Variants in SORCS3 observed in about 807,000 individuals in gnomAD.
The protein encoded by SORCS3 is sortilin related VPS10 domain containing receptor 3.
A neutral mutation model predicts 146.3 loss-of-function variants in SORCS3; 57 were observed. The observed-to-expected ratio is 0.39, with a 90% CI of 0.31 to 0.49. The LOEUF (loss-of-function observed/expected upper bound fraction) is 0.49, where lower values mean the gene tolerates loss of function less well. Ranked by LOEUF, SORCS3 falls within the 20% of genes least tolerant of loss-of-function variation. The pLI is 0.92. For synonymous variants in SORCS3, 653 were observed against 618.5 expected, an observed-to-expected ratio of 1.06 and a Z score of -0.83; for missense variants, 1,341 against 1,575.5, an observed-to-expected ratio of 0.85 and a Z score of 2.52.
intron 1 of SORCS3, among the ~76,000 whole-genome samples, chr10:104,643,706 T>A (rs1260901796): frequency 2.0e-5 from 2 of 98,880 alleles, no homozygotes; most frequent in Non-Finnish European, 4.3e-5. Context: ...GTTTGATAAT[T>A]AGGGTGTGTG....
At chr10:104,940,220 ATATATATATATATATATATT>A (rs1351498623) in intron 3 of SORCS3, among the ~76,000 whole-genome samples, 18 of 14,188 alleles carry the variant, frequency 1.3e-3, no homozygotes, top group African/African-American at 4.7e-3. Flanking sequence ...ATATATATAT[ATATATATATATATATATATT>A]TTTTTTTTTT....
At chr10:105,016,637 C>A (rs1350697430) in intron 4 of SORCS3, among the ~76,000 whole-genome samples, 1 of 151,822 alleles carries the variant, frequency 6.6e-6, no homozygotes, top group Admixed American at 6.6e-5. Context: ...ATGGTGATGA[C>A]TTTTTTTTGT....
At chr10:104,959,417 A>G (rs920428262) in intron 3 of SORCS3, among the ~76,000 whole-genome samples, 2 of 152,114 alleles carry the variant, frequency 1.3e-5, no homozygotes, top group African/African-American at 2.4e-5. Flanking sequence ...CTCTCTCCTC[A>G]TTACATCACA....
intron 1 of SORCS3, among the ~76,000 whole-genome samples, chr10:104,742,323 G>T (rs756273358): frequency 6.6e-6 from 1 of 152,184 alleles, no homozygotes; most frequent in Non-Finnish European, 1.5e-5. Context: ...ATTTGGTGCT[G>T]GGTGACAAGT....
chr10:104,903,307 A>G (rs1372109878), intron 2 of SORCS3, among the ~76,000 whole-genome samples: 2 of 152,200 alleles, frequency 1.3e-5, no homozygotes, highest in Non-Finnish European at 2.9e-5. Context: ...CGAGAAATTA[A>G]TTACAGAGTC....
chr10:104,655,542 T>C (rs898322245), intron 1 of SORCS3, among the ~76,000 whole-genome samples: 1 of 152,200 alleles, frequency 6.6e-6, no homozygotes, highest in Non-Finnish European at 1.5e-5. Context: ...TTTAAAATCA[T>C]TTTTAAAAAC....
chr10:105,184,477 C>T (rs1272245159), intron 14 of SORCS3, among the ~76,000 whole-genome samples: 1 of 152,174 alleles, frequency 6.6e-6, no homozygotes, highest in African/African-American at 2.4e-5. Flanking sequence ...CAAGAATGCC[C>T]ATGGGTTTTT....
intron 2 of SORCS3, among the ~76,000 whole-genome samples, chr10:104,855,365 G>A (rs1047966121): frequency 6.6e-6 from 1 of 152,128 alleles, no homozygotes; most frequent in African/African-American, 2.4e-5. Flanking sequence ...CAAAACCCTG[G>A]TGGGGTTTTG....
chr10:105,037,015 GA>G (rs1427825466), intron 4 of SORCS3, among the ~76,000 whole-genome samples: 2 of 152,156 alleles, frequency 1.3e-5, no homozygotes, highest in Non-Finnish European at 2.9e-5. Flanking sequence ...TGGCTTAAGA[GA>G]AACTGACCTG....
chr10:104,833,272 G>T (rs1038148984), intron 1 of SORCS3, among the ~76,000 whole-genome samples: 1 of 152,228 alleles, frequency 6.6e-6, no homozygotes, highest in African/African-American at 2.4e-5. Flanking sequence ...TGCCTTCTCT[G>T]AGATGAGAGG....
intron 5 of SORCS3, among the ~76,000 whole-genome samples, chr10:105,059,260 C>T (rs2055466746): frequency 6.6e-6 from 1 of 152,150 alleles, no homozygotes; most frequent in Non-Finnish European, 1.5e-5. Flanking sequence ...AGGGTTGTTC[C>T]AACCAATGAA....
In SORCS3 at chr10:104,977,467, G is replaced by T. The variant is rs929050187; in HGVS notation, c.928G>T (p.Val310Leu). ...LLFHPKQEDW[V>L]LAYSLDQKLY... Reference sequence around the variant, plus strand: ...CTTTCATCCCAAGCAAGAGGACTGGGTGCTGGCCTACAGTTTGGATCAAAA... The same window carrying T: ...CTTTCATCCCAAGCAAGAGGACTGGTTGCTGGCCTACAGTTTGGATCAAAA... Residue 310 changes from valine (V) to leucine (L), a missense_variant, in exon 4 of 27, where the codon GTG (valine) becomes TTG (leucine). Transcript: ENST00000369701. The T allele has an allele frequency of 1.2e-6, 2 of 1,611,792 alleles. No homozygotes were observed. Among genetic ancestry groups the T allele is most frequent in the African/African-American group, 1.3e-5 (1 of 74,804 alleles).
At chr10:105,235,676 A>G (rs564863258) in intron 20 of SORCS3, among the ~76,000 whole-genome samples, 3 of 152,022 alleles carry the variant, frequency 2.0e-5, no homozygotes, top group Admixed American at 6.6e-5. Flanking sequence ...TTACTCCTGC[A>G]TAAGTGGGAG....
chr10:104,770,259 C>G (rs146501112), intron 1 of SORCS3, among the ~76,000 whole-genome samples: 12 of 152,158 alleles, frequency 7.9e-5, no homozygotes, highest in African/African-American at 2.7e-4. Context: ...AGTGCAGGAG[C>G]TGAATAAAGG....
intron 20 of SORCS3, among the ~76,000 whole-genome samples, chr10:105,242,888 A>C (rs2056843403): frequency 9.5e-6 from 1 of 105,486 alleles, no homozygotes; most frequent in Non-Finnish European, 1.7e-5. Context: ...AATTATATAT[A>C]ATATATGATA....
In SORCS3 at chr10:105,247,290, A is replaced by G. The variant is rs1283461962; in HGVS notation, c.3064A>G (p.Arg1022Gly). 6 of 1,612,874 alleles carry G rather than the reference A, an allele frequency of 3.7e-6. No homozygotes were observed. Among genetic ancestry groups the G allele is most frequent in the Non-Finnish European group, 4.2e-6 (5 of 1,179,136 alleles). Reference protein sequence around the residue: ...DYHNPDIPEWRKDIGNVIKRA... With the variant: ...DYHNPDIPEWGKDIGNVIKRA... The stretch of plus-strand genomic sequence containing the variant: ...CCACAATCCTGACATTCCTGAGTGG[A>G]GAAAAGATATTGGCAATGTCATCAA... Residue 1022 changes from arginine (R) to glycine (G), a missense_variant, in exon 22 of 27, where the codon AGA (arginine) becomes GGA (glycine). Coordinates refer to ENST00000369701, the MANE Select transcript of SORCS3 (RefSeq NM_014978.3).
At chr10:104,938,146 G>T (rs907907863) in intron 3 of SORCS3, among the ~76,000 whole-genome samples, 6 of 152,096 alleles carry the variant, frequency 3.9e-5, no homozygotes, top group African/African-American at 1.4e-4. Context: ...ATTTTTGACT[G>T]GGAAAGAAAT....
intron 3 of SORCS3, among the ~76,000 whole-genome samples, chr10:104,945,313 A>G (rs1029143119): frequency 2.0e-5 from 3 of 152,006 alleles, no homozygotes; most frequent in Admixed American, 6.5e-5. Flanking sequence ...GTGCAGTTGC[A>G]TGATCTCGGC....
rs74157454 is a variant in SORCS3, at chr10:105,166,303, A to G, written c.1810-955A>G. On this transcript the variant is annotated intron_variant, in intron 12 of 26. Transcript: ENST00000369701. ...TCTTCTAGCCCTCTTCACTTAACCC[A>G]CCATCCCAACTTCTCCATCTAGGCT... 9.7e-3 allele frequency among the ~76,000 whole-genome samples: 1,477 copies of G among 152,090 alleles called. 27 individuals carry two copies. Among genetic ancestry groups the G allele is most frequent in the African/African-American group, 0.033 (1,385 of 41,480 alleles).
Sources: gnomAD v4.1 joint callset for allele counts (sites outside exome capture counted in the v4.1 genomes callset) on GRCh38, gnomAD v4.1.1 for gene constraint, MANE v1.5 for transcripts, NCBI Gene and HGNC (gene_info 2026-07-23, HGNC 2026-07-21) for gene names.